Variants in MINDY2 observed in about 807,000 individuals in gnomAD.
MINDY2 encodes MINDY lysine 48 deubiquitinase 2, also known as ubiquitin carboxyl-terminal hydrolase MINDY-2.
MINDY2 carries 52 observed loss-of-function variants against 68.2 expected under a neutral mutation model. The ratio of observed to expected loss-of-function variants is 0.76; its 90% CI spans 0.61 to 0.96. The LOEUF (loss-of-function observed/expected upper bound fraction) is 0.96, where lower values mean the gene tolerates loss of function less well. MINDY2 is among the 40% of genes least tolerant of loss of function. MINDY2 has a pLI of 0.00. For missense variants in MINDY2, 881 were observed against 773.4 expected, an observed-to-expected ratio of 1.14 and a Z score of -1.65; for synonymous variants, 372 against 303.0, an observed-to-expected ratio of 1.23 and a Z score of -2.36.
chr15:58,771,747 G>A lies in MINDY2; in HGVS notation c.352G>A (p.Gly118Arg). The change falls in exon 1 of 9, where the codon GGA becomes AGA. Residue 118 changes from glycine (G) to arginine (R), a missense_variant. Physicochemically the swap from Gly to Arg is moderately radical, Grantham distance 125 (BLOSUM62 -2). Transcript: ENST00000559228. Reference sequence around the variant, plus strand: ...CGCCTCCCCGGAGACAGCCGTGGCCGGAGTGGGTCATGAGTTGGGTACCGC... The same window carrying A: ...CGCCTCCCCGGAGACAGCCGTGGCCAGAGTGGGTCATGAGTTGGGTACCGC... Reference protein sequence around the residue: ...VTASPETAVAGVGHELGTAGD... With the variant: ...VTASPETAVARVGHELGTAGD... 1 of 1,611,484 alleles carries A rather than the reference G, an allele frequency of 6.2e-7. No homozygotes were observed. The highest frequency in any genetic ancestry group is 1.3e-5 in the African/African-American group (1 of 75,018).
chr15:58,798,022 T>C (rs142904808), intron 2 of MINDY2, among the ~76,000 whole-genome samples: 29 of 152,276 alleles, frequency 1.9e-4, no homozygotes, highest in African/African-American at 6.3e-4. Context: ...GCTGAAAAGC[T>C]CATATGCTCA....
intron 6 of MINDY2, among the ~76,000 whole-genome samples, chr15:58,843,306 C>A (rs955153051): frequency 1.3e-5 from 2 of 152,066 alleles, no homozygotes; most frequent in Admixed American, 6.6e-5. Context: ...TGTACCACTA[C>A]ACCTGGCTAA....
rs1233668779 is a variant in MINDY2 at position 58,771,816 on chromosome 15, G to A, written c.421G>A (p.Ala141Thr). Residue 141 changes from alanine to threonine, a missense_variant, in exon 1 of 9, where the codon GCA becomes ACA. By Grantham distance (58) the Ala-to-Thr change is moderately conservative (BLOSUM62 0). Coordinates refer to ENST00000559228, the MANE Select transcript of MINDY2 (RefSeq NM_001040450.3). Reference sequence around the variant, plus strand: ...CCCGGATCTCGCCGGCACCTGCCAAGCAGAACTGACCGCCGCCGGCTCCGA... The same window carrying A: ...CCCGGATCTCGCCGGCACCTGCCAAACAGAACTGACCGCCGCCGGCTCCGA... ...ARPDLAGTCQ[A>T]ELTAAGSEEP... 50 of 1,609,792 alleles carry A rather than the reference G, an allele frequency of 3.1e-5. No homozygotes were observed. Among genetic ancestry groups the A allele is most frequent in the Non-Finnish European group, 3.9e-5 (46 of 1,178,748 alleles).
At chr15:58,812,014 C>G (rs1330566776) in intron 4 of MINDY2, among the ~76,000 whole-genome samples, 1 of 152,020 alleles carries the variant, frequency 6.6e-6, no homozygotes, top group Non-Finnish European at 1.5e-5. Context: ...AAGAAAAAGA[C>G]AAAGGAATCA....
rs1377053110 is a variant in MINDY2, at chr15:58,814,900, C to T, written c.1122+4512C>T. Among the ~76,000 whole-genome samples the T allele has an allele frequency of 1.3e-5, 2 of 151,044 alleles. 1 individual carries two copies. Among genetic ancestry groups the T allele is most frequent in the African/African-American group, 4.9e-5 (2 of 41,090 alleles). On this transcript the variant is annotated intron_variant, in intron 4 of 8. Transcript: ENST00000559228. Reference sequence around the variant, plus strand: ...TCAAGCAGTCTTCCCACCTCAGCCTCTCAGAGTGCCGAGGTTACAAATGTG... The same window carrying T: ...TCAAGCAGTCTTCCCACCTCAGCCTTTCAGAGTGCCGAGGTTACAAATGTG...
chr15:58,829,778 C>A (rs1330334897), intron 5 of MINDY2, among the ~76,000 whole-genome samples: 2 of 152,134 alleles, frequency 1.3e-5, no homozygotes, highest in Non-Finnish European at 2.9e-5. Context: ...GTACTTCTAT[C>A]ATAACAAAGT....
intron 5 of MINDY2, among the ~76,000 whole-genome samples, chr15:58,831,041 G>GTGTATATATATATATATATATATATATA (rs565786025): frequency 3.2e-4 from 40 of 124,902 alleles, no homozygotes; most frequent in South Asian, 5.0e-4. Context: ...GTGTGTGTGT[G>GTGTATATATATATATATATATATATATA]TATATATATA....
chr15:58,786,810 A>T (rs1400563835), intron 1 of MINDY2, among the ~76,000 whole-genome samples: 2 of 152,022 alleles, frequency 1.3e-5, no homozygotes, highest in African/African-American at 4.8e-5. Flanking sequence ...GATTTTTTAT[A>T]GCGTCCGTTT....
At chr15:58,852,011 G>GT in intron 8 of MINDY2, 46 bp downstream of exon 8, 1 of 1,435,682 alleles carries the variant, frequency 7.0e-7, no homozygotes, top group Non-Finnish European at 9.4e-7. Context: ...TCATGGCTGG[G>GT]TGTAGTGGCT....
intron 6 of MINDY2, among the ~76,000 whole-genome samples, chr15:58,840,501 A>G (rs537181313): frequency 6.5e-4 from 99 of 152,172 alleles, no homozygotes; most frequent in African/African-American, 2.2e-3. Flanking sequence ...ATTGGCAACA[A>G]ATAGGAATAG....
intron 2 of MINDY2, among the ~76,000 whole-genome samples, chr15:58,798,327 A>G (rs185522857): frequency 2.3e-4 from 33 of 144,982 alleles, no homozygotes; most frequent in Non-Finnish European, 3.3e-4. Flanking sequence ...GGATTTGTCT[A>G]TGTTGGCCAG....
intron 1 of MINDY2, 62 bp from the exon 2 acceptor site, chr15:58,787,844 G>A (rs1901611168): frequency 4.5e-6 from 5 of 1,122,522 alleles, no homozygotes; most frequent in Admixed American, 2.1e-5. Flanking sequence ...GTTTCTGACT[G>A]CAAGAAATAC....
chr15:58,824,535 AT>A (rs1489807591), intron 5 of MINDY2, among the ~76,000 whole-genome samples: 1 of 152,168 alleles, frequency 6.6e-6, no homozygotes, highest in African/African-American at 2.4e-5. Flanking sequence ...GTAACTACAA[AT>A]TTGTAGTTCA....
At chr15:58,792,398 G>A (rs1341358072) in intron 2 of MINDY2, among the ~76,000 whole-genome samples, 2 of 152,336 alleles carry the variant, frequency 1.3e-5, no homozygotes, top group Middle Eastern at 3.4e-3. Context: ...ACAATGTCAA[G>A]AGTTTGAGAC....
intron 6 of MINDY2, among the ~76,000 whole-genome samples, chr15:58,833,650 A>G (rs1457388286): frequency 6.6e-6 from 1 of 152,180 alleles, no homozygotes; most frequent in African/African-American, 2.4e-5. Context: ...GTTGATGTGC[A>G]TATACATAAA....
At chr15:58,773,122 C>T (rs139431306) in intron 1 of MINDY2, among the ~76,000 whole-genome samples, 2 of 133,614 alleles carry the variant, frequency 1.5e-5, no homozygotes, top group African/African-American at 3.1e-5. Context: ...TCTGTAGATG[C>T]AATGTTTCCT....
At chr15:58,808,152 A>G (rs575175607) in intron 3 of MINDY2, among the ~76,000 whole-genome samples, 2 of 152,132 alleles carry the variant, frequency 1.3e-5, no homozygotes, top group South Asian at 4.2e-4. Context: ...CCATACACAC[A>G]GCTTCCCCCA....
intron 3 of MINDY2, among the ~76,000 whole-genome samples, chr15:58,802,906 A>C (rs1902759605): frequency 6.6e-6 from 1 of 152,202 alleles, no homozygotes; most frequent in South Asian, 2.1e-4. Flanking sequence ...TTGGTGCTGG[A>C]AAAAAGCAAG....
At chr15:58,808,309 A>ATT (rs531979016) in intron 3 of MINDY2, among the ~76,000 whole-genome samples, 228 of 152,274 alleles carry the variant, frequency 1.5e-3, no homozygotes, top group Non-Finnish European at 1.9e-3. Flanking sequence ...CGTATCTACC[A>ATT]TTACAGTATC....
Sources: gnomAD v4.1 joint callset for allele counts (sites outside exome capture counted in the v4.1 genomes callset) on GRCh38, gnomAD v4.1.1 for gene constraint, MANE v1.5 for transcripts, NCBI Gene and HGNC (gene_info 2026-07-23, HGNC 2026-07-21) for gene names.